Variants in GALNT5 observed in about 807,000 individuals in gnomAD.
GALNT5 encodes the protein polypeptide N-acetylgalactosaminyltransferase 5.
Under a neutral mutation model 85.4 loss-of-function variants are expected in GALNT5, and 72 were observed. The observed-to-expected ratio is 0.84, with a 90% CI of 0.70 to 1.03. The LOEUF (loss-of-function observed/expected upper bound fraction) is 1.03, where lower values mean the gene tolerates loss of function less well. Ranked by LOEUF, GALNT5 falls within the 50% of genes least tolerant of loss-of-function variation. The pLI, the probability that GALNT5 is intolerant of heterozygous loss-of-function variation, is 0.00. For synonymous variants in GALNT5, 404 were observed against 397.0 expected (o/e 1.02, Z -0.21); for missense variants, 1,137 against 1,135.5 (o/e 1.00, Z -0.02).
intron 1 of GALNT5, among the ~76,000 whole-genome samples, chr2:157,266,214 T>C (rs1682454805): frequency 6.6e-6 from 1 of 152,202 alleles, no homozygotes; most frequent in African/African-American, 2.4e-5. Context: ...CTTGTGGCCA[T>C]GCCAGATTAG....
At chr2:157,264,172 CAT>C (rs1682409506) in intron 1 of GALNT5, among the ~76,000 whole-genome samples, 1 of 128,784 alleles carries the variant, frequency 7.8e-6, no homozygotes, top group African/African-American at 4.3e-5. Context: ...AATCAACACA[CAT>C]ACACACACAC....
rs1310041880 is a variant in GALNT5, at chr2:157,316,183, A to G, written c.*4835A>G. 6.6e-6 allele frequency among the ~76,000 whole-genome samples: 1 copy of G among 152,100 alleles called. No individual in the cohort carries two copies. Among genetic ancestry groups the G allele is most frequent in the Non-Finnish European group, 1.5e-5 (1 of 68,030 alleles). The stretch of plus-strand genomic sequence containing the variant: ...CTGGTGACAAGGAAAAGGGAGCAGG[A>G]ATCACCATATTGAATGTGCCTGGCT... On this transcript the variant is annotated 3_prime_UTR_variant, in exon 10 of 10. Coordinates refer to ENST00000259056, the MANE Select transcript of GALNT5 (RefSeq NM_014568.3).
intron 1 of GALNT5, among the ~76,000 whole-genome samples, chr2:157,261,134 A>G (rs929442079): frequency 2.6e-5 from 4 of 152,216 alleles, no homozygotes; most frequent in Admixed American, 6.5e-5. Context: ...CTTTGAACAC[A>G]AAGTGCAAGG....
chr2:157,276,414 T>A (rs1682728154), intron 1 of GALNT5, among the ~76,000 whole-genome samples: 1 of 152,242 alleles, frequency 6.6e-6, no homozygotes, highest in Non-Finnish European at 1.5e-5. Flanking sequence ...AGCTTCTCTT[T>A]GTACCTCTGG....
At chr2:157,260,016 C>A (rs1392877991) in intron 1 of GALNT5, among the ~76,000 whole-genome samples, 2 of 152,156 alleles carry the variant, frequency 1.3e-5, no homozygotes, top group East Asian at 3.9e-4. Flanking sequence ...TCTGCCTAAT[C>A]ATAAGTAATG....
At position 157,258,107 on chromosome 2, in the gene GALNT5, C is replaced by T. The variant is rs754872390; in HGVS notation, c.25C>T (p.Arg9Ter). Residue 9 changes from arginine to a stop codon, truncating the protein, a stop_gained, in exon 1 of 10, where the codon CGA becomes TGA. Coordinates refer to ENST00000259056, the MANE Select transcript of GALNT5 (RefSeq NM_014568.3). LOFTEE classifies it high-confidence loss of function. MNRIRKFF[R>*]GSGRVLAFIF... Reference sequence around the variant, plus strand: ...CATGAACAGGATCCGAAAGTTTTTCCGAGGAAGTGGGCGAGTCTTGGCATT... The same window carrying T: ...CATGAACAGGATCCGAAAGTTTTTCTGAGGAAGTGGGCGAGTCTTGGCATT... The T allele has an allele frequency of 1.5e-5, 25 of 1,613,890 alleles. No homozygotes were observed. The highest frequency in any genetic ancestry group is 1.1e-4 in the South Asian group (10 of 91,062).
rs1255043021 is a variant in GALNT5 at position 157,300,906 on chromosome 2, G to A, written c.2346G>A (p.Glu782=). 3.1e-6 allele frequency: 5 copies of A among 1,614,038 alleles called. No homozygotes were observed. The South Asian group carries it at 5.5e-5, about 18-fold the overall frequency. Residue 782 remains glutamate, a synonymous_variant, in exon 7 of 10, where the codon GAG becomes GAA. Transcript: ENST00000259056. ...TTGGCAACCTCACCCAGCAAAGGGA[G>A]CTGCGAAAGAAACTGAAGTGCAAAA... ...LDVGNLTQQR[E]LRKKLKCKSF...
chr2:157,260,840 G>A (rs1233261313), intron 1 of GALNT5, among the ~76,000 whole-genome samples: 2 of 152,172 alleles, frequency 1.3e-5, no homozygotes, highest in Admixed American at 6.5e-5. Flanking sequence ...GCCATGCACT[G>A]CTTATACCAA....
At chr2:157,278,460 T>C (rs190960018) in intron 1 of GALNT5, among the ~76,000 whole-genome samples, 15 of 152,348 alleles carry the variant, frequency 9.8e-5, no homozygotes, top group African/African-American at 2.4e-4. Flanking sequence ...TAATCAAACA[T>C]AGATTTGGTC....
At chr2:157,265,038 T>C (rs1005548687) in intron 1 of GALNT5, among the ~76,000 whole-genome samples, 7 of 152,072 alleles carry the variant, frequency 4.6e-5, no homozygotes, top group African/African-American at 1.7e-4. Context: ...ATGAGATGAA[T>C]TCAAAAGGAT....
chr2:157,289,663 T>A (rs1033922699), intron 3 of GALNT5, among the ~76,000 whole-genome samples: 1 of 152,100 alleles, frequency 6.6e-6, no homozygotes, highest in African/African-American at 2.4e-5. Flanking sequence ...TGAAAAGGAA[T>A]TTTTTTCCCC....
intron 9 of GALNT5, 136 bp downstream of exon 9, chr2:157,308,864 C>G (rs1273102863): frequency 1.7e-6 from 1 of 596,836 alleles, no homozygotes; most frequent in Non-Finnish European, 2.9e-6. Context: ...AAAGTTCATT[C>G]ACAGAGATGC....
At chr2:157,269,071 ACTAGAT>A (rs1682522936) in intron 1 of GALNT5, among the ~76,000 whole-genome samples, 1 of 152,182 alleles carries the variant, frequency 6.6e-6, no homozygotes, top group Non-Finnish European at 1.5e-5. Context: ...ACCTATGCCA[ACTAGAT>A]GACATAGTGT....
At chr2:157,261,375 C>T (rs143035748) in intron 1 of GALNT5, among the ~76,000 whole-genome samples, 1 of 152,318 alleles carries the variant, frequency 6.6e-6, no homozygotes, top group East Asian at 1.9e-4. Flanking sequence ...TTCTTAGTTT[C>T]TATACTTTGT....
In GALNT5 at chr2:157,313,396, T is replaced by C. The variant is rs1249170074; in HGVS notation, c.*2048T>C. 1 of 152,162 alleles carries C rather than the reference T, an allele frequency of 6.6e-6. No homozygotes were observed. The allele number at this position is 152,162 out of a possible 1,614,324, so 9.4% of individuals were successfully genotyped here. On this transcript the variant is annotated 3_prime_UTR_variant, in exon 10 of 10. Transcript: ENST00000259056. The stretch of plus-strand genomic sequence containing the variant: ...CTCTGATATTCACACAATGATGAAA[T>C]TGCCTAATGACACATTTCTCAGAAT...
In GALNT5 at chr2:157,308,609, G is replaced by A. The variant is rs1181543237; in HGVS notation, c.2563G>A (p.Gly855Arg). Residue 855 changes from glycine to arginine, a missense_variant, in exon 9 of 10, where the codon GGA (glycine) becomes AGA (arginine). By Grantham distance (125) the Gly-to-Arg change is moderately radical. Transcript: ENST00000259056. The part of the protein sequence containing the change: ...NYTWLRLIKC[G>R]EWCIAPIPDK... ...CACCTGGTTAAGACTTATTAAATGT[G>A]GAGAATGGTGTATAGCCCCCATCCC... 1 of 1,613,344 alleles carries A rather than the reference G, an allele frequency of 6.2e-7. No individual in the cohort carries two copies. The highest frequency in any genetic ancestry group is 8.5e-7 in the Non-Finnish European group (1 of 1,179,620).
intron 3 of GALNT5, among the ~76,000 whole-genome samples, chr2:157,290,112 T>C (rs12694904): frequency 0.88 from 122,178 of 138,988 alleles, 53,610 homozygotes; most frequent in South Asian, 0.93. Context: ...TATATATATA[T>C]ACATACACAA....
rs371953937 is a variant in GALNT5 at position 157,300,816 on chromosome 2, G to T, written c.2256G>T (p.Trp752Cys). Residue 752 changes from tryptophan to cysteine, a missense_variant, in exon 7 of 10, where the codon TGG becomes TGT. Transcript: ENST00000259056. ...ACTTGGTGCGGGTTGCCGAGGTCTG[G>T]CTGGATGAGTATAAGGAGCTGTTCT... is the stretch of plus-strand genomic sequence containing the variant. ...ERNLVRVAEV[W>C]LDEYKELFYG... is the part of the protein sequence containing the mutation. 2.5e-6 allele frequency: 4 copies of T among 1,613,988 alleles called. No individual in the cohort carries two copies. Among genetic ancestry groups the T allele is most frequent in the Non-Finnish European group, 3.4e-6 (4 of 1,180,008 alleles).
intron 1 of GALNT5, among the ~76,000 whole-genome samples, chr2:157,280,135 C>A (rs1053400811): frequency 6.6e-6 from 1 of 152,138 alleles, no homozygotes; most frequent in Non-Finnish European, 1.5e-5. Context: ...TTGTGTCAGG[C>A]TAAAAGACAT....
Sources: gnomAD v4.1 joint callset for allele counts (sites outside exome capture counted in the v4.1 genomes callset) on GRCh38, gnomAD v4.1.1 for gene constraint, MANE v1.5 for transcripts, NCBI Gene and HGNC (gene_info 2026-07-23, HGNC 2026-07-21) for gene names.